Variants in RPTN observed in about 807,000 individuals in gnomAD.
RPTN encodes the protein intermediate filament-associated protein.
In RPTN, 4 loss-of-function variants were observed where a neutral mutation model predicts 3.6. That is an observed-to-expected ratio of 1.12 (90% CI 0.55 to 2.55). The LOEUF is 2.55. RPTN is among the 30% of genes most tolerant of loss of function. The pLI, the probability that RPTN is intolerant of heterozygous loss-of-function variation, is 0.02. For missense variants in RPTN, 860 were observed against 916.7 expected, an observed-to-expected ratio of 0.94 and a Z score of 0.80; for synonymous variants, 293 against 319.3, an observed-to-expected ratio of 0.92 and a Z score of 0.88.
Position 152,155,980 on chromosome 1 carries a change from T to C in RPTN, c.1119A>G (p.Gln373=). 1.2e-6 allele frequency: 2 copies of C among 1,613,758 alleles called. No individual in the cohort carries two copies. The highest frequency in any genetic ancestry group is 1.7e-6 in the Non-Finnish European group (2 of 1,180,026). Residue 373 remains glutamine (Q), a synonymous_variant, in exon 3 of 3, where the codon CAA becomes CAG. Transcript: ENST00000316073. ...QGSHYSQPNR[Q]GQSSHYGQPD... ...GCTGACCATAGTGGGAACTCTGACC[T>C]TGTCTGTTTGGTTGACTGTAGTGGG...
In RPTN at chr1:152,156,333, C is replaced by A; in HGVS notation, c.766G>T (p.Ala256Ser). ...TGATTTGTCTGGTTAAAGTGAGAGG[C>A]TTGTCCAAGTGTTTCAGATTGTTGT... ...HTQQSETLGQASHFNQTNQQK... is the reference protein window; with the variant it reads ...HTQQSETLGQSSHFNQTNQQK... Residue 256 changes from alanine (A) to serine (S), a missense_variant, in exon 3 of 3, where the codon GCC becomes TCC. Physicochemically the swap from Ala to Ser is moderately conservative, Grantham distance 99. Transcript: ENST00000316073. The A allele has an allele frequency of 3.1e-6, 5 of 1,614,268 alleles. No individual in the cohort carries two copies. The highest frequency in any genetic ancestry group is 4.2e-6 in the Non-Finnish European group (5 of 1,180,060).
Position 152,159,179 on chromosome 1 carries a change from C to T in RPTN, c.-21+5G>A, listed in dbSNP as rs1331950976. 1 of 152,846 alleles carries T rather than the reference C, an allele frequency of 6.5e-6. No homozygotes were observed. Among genetic ancestry groups the T allele is most frequent in the East Asian group, 1.9e-4 (1 of 5,178 alleles). 9.5% of individuals were successfully genotyped at this position (152,846 alleles called of 1,614,324 possible). A position where few individuals can be genotyped will look rare whatever the true frequency, so the allele number is the denominator to read the frequency against. ...ACTACCAATGCTCCCCTATGCATGT[C>T]TTACCTGCTTGAGGAGGAAGGAGCA... On this transcript the variant is annotated splice_donor_5th_base_variant and intron_variant, in intron 1 of 2. Coordinates refer to ENST00000316073, the MANE Select transcript of RPTN (RefSeq NM_001122965.1).
In RPTN at chr1:152,154,952, C is replaced by G. The variant is rs1445801170; in HGVS notation, c.2147G>C (p.Arg716Thr). 1.2e-6 allele frequency: 2 copies of G among 1,614,170 alleles called. No homozygotes were observed. The highest frequency in any genetic ancestry group is 2.2e-5 in the East Asian group (1 of 44,876). ...EEEQGHQTWD[R>T]HSHESQEGPC... ...ACCTTCCTGACTCTCATGGCTGTGT[C>G]TATCCCAAGTTTGATGGCCCTGCTC... Residue 716 changes from arginine (R) to threonine (T), a missense_variant, in exon 3 of 3, where the codon AGA becomes ACA. Arg to Thr is a moderately conservative substitution (Grantham distance 71). Transcript: ENST00000316073.
chr1:152,157,850 C>T lies in RPTN; in HGVS notation c.40G>A (p.Val14Ile), dbSNP rs750415446. The T allele has an allele frequency of 9.9e-6, 16 of 1,613,654 alleles. No individual in the cohort carries two copies. The highest frequency in any genetic ancestry group is 3.3e-5 in the South Asian group (3 of 91,062). The change falls in exon 2 of 3, where the codon GTA becomes ATA. Residue 14 changes from valine to isoleucine, a missense_variant. Coordinates refer to ENST00000316073, the MANE Select transcript of RPTN (RefSeq NM_001122965.1). ...TTCCCTTTGGCATATTTGTGGAATA[C>T]GTCAATCACACTGAGTATGCTATTC... The part of the protein sequence containing the change: ...LLNSILSVID[V>I]FHKYAKGNGD...
At chr1:152,157,604 TG>T in intron 2 of RPTN, 147 bp downstream of exon 2, 1 of 601,512 alleles carries the variant, frequency 1.7e-6, no homozygotes. Context: ...TGTGTGTGTA[TG>T]CTGGGAGAGA....
At position 152,155,054 on chromosome 1, in the gene RPTN, C is replaced by T; in HGVS notation, c.2045G>A (p.Cys682Tyr). 1 of 1,614,194 alleles carries T rather than the reference C, an allele frequency of 6.2e-7. No homozygotes were observed. The highest frequency in any genetic ancestry group is 8.5e-7 in the Non-Finnish European group (1 of 1,180,020). Residue 682 changes from cysteine (C) to tyrosine (Y), a missense_variant, in exon 3 of 3, where the codon TGC becomes TAC. Transcript: ENST00000316073. ...CTGTCTGTGGCCCTGCTCACTACTG[C>T]ATGATTGCCAGTCTCTCCCTTTGTG... ...LCHKGRDWQS[C>Y]SSEQGHRQAQ...
rs1659193086 is a variant in RPTN at position 152,156,022 on chromosome 1, G to A, written c.1077C>T (p.Asn359=). The change falls in exon 3 of 3, where the codon AAC becomes AAT. Residue 359 remains asparagine, a synonymous_variant. Transcript: ENST00000316073. ...TGTAGTGGGAACCCTGGCCTTGTCT[G>A]TTTGTCTGATCATAATGATAACACT... ...KGQCYHYDQT[N]RQGQGSHYSQ... 6.2e-7 allele frequency: 1 copy of A among 1,613,396 alleles called. No individual in the cohort carries two copies.
chr1:152,156,049 G>A lies in RPTN; in HGVS notation c.1050C>T (p.Gly350=). ...TTGTCTGATCATAATGATAACACTG[G>A]CCTTTTCTGTCCATTTGACCATAGT... is the stretch of plus-strand genomic sequence containing the variant. ...SSHYGQMDRK[G]QCYHYDQTNR... is the part of the protein sequence containing the mutation. The change falls in exon 3 of 3, where the codon GGC becomes GGT. Residue 350 remains glycine, a synonymous_variant. Coordinates refer to ENST00000316073, the MANE Select transcript of RPTN (RefSeq NM_001122965.1). 1 of 1,612,466 alleles carries A rather than the reference G, an allele frequency of 6.2e-7. No homozygotes were observed. The highest frequency in any genetic ancestry group is 8.5e-7 in the Non-Finnish European group (1 of 1,179,846).
In RPTN at chr1:152,155,070, T is replaced by A; in HGVS notation, c.2029A>T (p.Arg677Ter). The A allele has an allele frequency of 4.3e-6, 7 of 1,614,174 alleles. No individual in the cohort carries two copies. Among genetic ancestry groups the A allele is most frequent in the Non-Finnish European group, 5.1e-6 (6 of 1,180,010 alleles). Residue 677 changes from arginine (R) to a stop codon, truncating the protein, a stop_gained, in exon 3 of 3, where the codon AGA (arginine) becomes TGA (stop). Transcript: ENST00000316073. LOFTEE classifies it low-confidence loss of function (END_TRUNC). ...QQERPLCHKG[R>*]DWQSCSSEQG... ...TCACTACTGCATGATTGCCAGTCTCTCCCTTTGTGACAAAGTGGTCTTTCT... is the reference window on the plus strand; with the variant it reads ...TCACTACTGCATGATTGCCAGTCTCACCCTTTGTGACAAAGTGGTCTTTCT...
chr1:152,155,786 T>G lies in RPTN; in HGVS notation c.1313A>C (p.His438Pro), dbSNP rs199598671. The change falls in exon 3 of 3, where the codon CAC (histidine) becomes CCC (proline). Residue 438 changes from histidine (H) to proline (P), a missense_variant. Transcript: ENST00000316073. ...GQTDRQGQSS[H>P]YGQPDRQGQN... The stretch of plus-strand genomic sequence containing the variant: ...GCCTTGTCTGTCTGGCTGACCATAG[T>G]GGGAACTCTGGCCTTGTCTGTCTGT... 6.2e-7 allele frequency: 1 copy of G among 1,610,834 alleles called. No individual in the cohort carries two copies. The highest frequency in any genetic ancestry group is 8.5e-7 in the Non-Finnish European group (1 of 1,178,744).
At chr1:152,157,998 G>C in intron 1 of RPTN, 89 bp from the exon 2 acceptor site, 2 of 1,137,402 alleles carry the variant, frequency 1.8e-6, no homozygotes, top group Non-Finnish European at 2.6e-6. Context: ...CTGGATCTGG[G>C]AGAAAGTTTA....
chr1:152,156,668 G>A lies in RPTN; in HGVS notation c.431C>T (p.Ser144Phe), dbSNP rs781133695. 2.5e-6 allele frequency: 4 copies of A among 1,602,010 alleles called. No homozygotes were observed. The South Asian group carries it at 4.5e-5, about 18-fold the overall frequency. Residue 144 changes from serine (S) to phenylalanine (F), a missense_variant, in exon 3 of 3, where the codon TCC becomes TTC. Physicochemically the swap from Ser to Phe is radical, Grantham distance 155 (BLOSUM62 -2). Transcript: ENST00000316073. ...TTGTCTCTCAGGCTGACCATGGTGGGAATCTCCGTCTTGTCTCTCAGGCTG... is the reference window on the plus strand; with the variant it reads ...TTGTCTCTCAGGCTGACCATGGTGGAAATCTCCGTCTTGTCTCTCAGGCTG... Reference protein sequence around the residue: ...HSQPERQDGDSHHGQPERQDR... With the variant: ...HSQPERQDGDFHHGQPERQDR...
Position 152,154,923 on chromosome 1 carries a change from A to G in RPTN, c.2176T>C (p.Cys726Arg), listed in dbSNP as rs775031929. Residue 726 changes from cysteine (C) to arginine (R), a missense_variant, in exon 3 of 3, where the codon TGT becomes CGT. Cys to Arg is a radical substitution (Grantham distance 180). Coordinates refer to ENST00000316073, the MANE Select transcript of RPTN (RefSeq NM_001122965.1). The stretch of plus-strand genomic sequence containing the variant: ...TGGGTTCGCCTGTCCTGTGTCCCAC[A>G]TGGACCTTCCTGACTCTCATGGCTG... Reference protein sequence around the residue: ...RHSHESQEGPCGTQDRRTHKD... With the variant: ...RHSHESQEGPRGTQDRRTHKD... 6 of 1,614,058 alleles carry G rather than the reference A, an allele frequency of 3.7e-6. No individual in the cohort carries two copies. The highest frequency in any genetic ancestry group is 1.1e-5 in the South Asian group (1 of 91,076).
At chr1:152,157,972 AGGGAAAGTGACCCCTCTGGATCT>A (rs1659240672) in intron 1 of RPTN, 63 bp from the exon 2 acceptor site, 2 of 1,410,018 alleles carry the variant, frequency 1.4e-6, no homozygotes, top group Non-Finnish European at 2.0e-6. Flanking sequence ...GCATTTCCAG[AGGGAAAGTGACCCCTCTGGATCT>A]GGGAGAAAGT....
Position 152,156,447 on chromosome 1 carries a change from G to C in RPTN, c.652C>G (p.Gln218Glu). The change falls in exon 3 of 3, where the codon CAG becomes GAG. Residue 218 changes from glutamine (Q) to glutamate (E), a missense_variant. Coordinates refer to ENST00000316073, the MANE Select transcript of RPTN (RefSeq NM_001122965.1). ...KKVSHKSTSG[Q>E]AKWQGHIFAL... is the part of the protein sequence containing the mutation. ...AAGATATGTCCCTGCCATTTAGCCT[G>C]GCCACTGGTAGATTTGTGACTCACT... 6.2e-7 allele frequency: 1 copy of C among 1,614,236 alleles called. No individual in the cohort carries two copies. The highest frequency in any genetic ancestry group is 8.5e-7 in the Non-Finnish European group (1 of 1,180,044).
rs1169354490 is a variant in RPTN, at chr1:152,154,600, G to T, written c.*144C>A. ...CTTGGCTCTGGTCATCCTCTTTCAT[G>T]TGGAATTTTTCTCTGTTAGGACAGC... On this transcript the variant is annotated 3_prime_UTR_variant, in exon 3 of 3. Coordinates refer to ENST00000316073, the MANE Select transcript of RPTN (RefSeq NM_001122965.1). 1 of 1,142,482 alleles carries T rather than the reference G, an allele frequency of 8.8e-7. No homozygotes were observed. The highest frequency in any genetic ancestry group is 1.3e-6 in the Non-Finnish European group (1 of 794,926). The allele number at this position is 1,142,482 out of a possible 1,614,324, so 70.8% of individuals were successfully genotyped here.
Position 152,154,932 on chromosome 1 carries a change from C to T in RPTN, c.2167G>A (p.Glu723Lys), listed in dbSNP as rs765697226. Residue 723 changes from glutamate to lysine, a missense_variant, in exon 3 of 3, where the codon GAA becomes AAA. Physicochemically the swap from Glu to Lys is moderately conservative, Grantham distance 56. Transcript: ENST00000316073. ...TWDRHSHESQ[E>K]GPCGTQDRRT... ...CTGTCCTGTGTCCCACATGGACCTTCCTGACTCTCATGGCTGTGTCTATCC... is the reference window on the plus strand; with the variant it reads ...CTGTCCTGTGTCCCACATGGACCTTTCTGACTCTCATGGCTGTGTCTATCC... 70 of 1,614,006 alleles carry T rather than the reference C, an allele frequency of 4.3e-5. No homozygotes were observed. Among genetic ancestry groups the T allele is most frequent in the Non-Finnish European group, 5.7e-5 (67 of 1,180,044 alleles).
In RPTN at chr1:152,155,764, T is replaced by C. The variant is rs1257810432; in HGVS notation, c.1335A>G (p.Gln445=). 6.3e-7 allele frequency: 1 copy of C among 1,592,846 alleles called. No homozygotes were observed. Among genetic ancestry groups the C allele is most frequent in the East Asian group, 2.3e-5 (1 of 43,786 alleles). ...TCTGACCATAGTGGGAATTCTGGCCTTGTCTGTCTGGCTGACCATAGTGGG... is the reference window on the plus strand; with the variant it reads ...TCTGACCATAGTGGGAATTCTGGCCCTGTCTGTCTGGCTGACCATAGTGGG... The part of the protein sequence containing the change: ...QSSHYGQPDR[Q]GQNSHYGQTD... Residue 445 remains glutamine, a synonymous_variant, in exon 3 of 3, where the codon CAA becomes CAG. Transcript: ENST00000316073.
intron 2 of RPTN, among the ~76,000 whole-genome samples, chr1:152,157,190 T>A (rs1419021214): frequency 6.6e-6 from 1 of 152,244 alleles, no homozygotes; most frequent in Non-Finnish European, 1.5e-5. Context: ...TTATTTAAAA[T>A]CATCTCCATT....
Sources: allele counts gnomAD v4.1 joint callset (sites outside exome capture counted in the v4.1 genomes callset), GRCh38; gene constraint gnomAD v4.1.1; transcripts MANE v1.5; gene names NCBI Gene and HGNC (gene_info 2026-07-23, HGNC 2026-07-21).